Variants in VTA1 observed in about 807,000 individuals in gnomAD.
VTA1 encodes vacuolar protein sorting-associated protein VTA1 homolog.
In VTA1, 24 loss-of-function variants were observed where a neutral mutation model predicts 36.9. That is an observed-to-expected ratio of 0.65 (90% confidence interval 0.47 to 0.91). The LOEUF (loss-of-function observed/expected upper bound fraction) is 0.91, where lower values mean the gene tolerates loss of function less well. VTA1 is among the 40% of genes least tolerant of loss of function. The pLI is 0.00. For synonymous variants in VTA1, 142 were observed against 130.2 expected (o/e 1.09, Z -0.62); for missense variants, 393 against 377.2 (o/e 1.04, Z -0.35).
At chr6:142,214,139 T>C (rs1420348705) in intron 7 of VTA1, among the ~76,000 whole-genome samples, 10 of 152,234 alleles carry the variant, frequency 6.6e-5, no homozygotes, top group Non-Finnish European at 1.5e-4. Flanking sequence ...AGGTCAACTC[T>C]TGAATGCTTT....
chr6:142,165,856 A>G (rs1282502495), intron 1 of VTA1, among the ~76,000 whole-genome samples: 2 of 152,046 alleles, frequency 1.3e-5, no homozygotes, highest in African/African-American at 4.8e-5. Flanking sequence ...CATTTTGAAT[A>G]TTTTGTCAGT....
intron 1 of VTA1, among the ~76,000 whole-genome samples, chr6:142,152,924 A>G (rs1778595390): frequency 6.6e-6 from 1 of 152,108 alleles, no homozygotes; most frequent in Non-Finnish European, 1.5e-5. Flanking sequence ...TCTGCCAGGA[A>G]TCCTTCTGCA....
At position 142,224,267 on chromosome 6, in the gene VTA1, T is replaced by A. The variant is rs536077898; in HGVS notation, c.*5624T>A. ...CCTATCAGTTGCCTGCTTTAATTCATCCCATGGAATTGTTTTGTCTTTTCG... is the reference window on the plus strand; with the variant it reads ...CCTATCAGTTGCCTGCTTTAATTCAACCCATGGAATTGTTTTGTCTTTTCG... On this transcript the variant is annotated 3_prime_UTR_variant, in exon 8 of 8. Transcript: ENST00000367630. The A allele has an allele frequency of 1.3e-5, 2 of 152,348 alleles. No homozygotes were observed. Among genetic ancestry groups the A allele is most frequent in the East Asian group, 1.9e-4 (1 of 5,184 alleles). 9.4% of individuals were successfully genotyped at this position (152,348 alleles called of 1,614,324 possible).
intron 7 of VTA1, among the ~76,000 whole-genome samples, chr6:142,210,447 A>G (rs376990864): frequency 6.6e-6 from 1 of 152,326 alleles, no homozygotes; most frequent in African/African-American, 2.4e-5. Flanking sequence ...TCCAGCTAAA[A>G]TGCTTCAGCA....
At chr6:142,179,708 AT>A (rs1775191749) in intron 4 of VTA1, among the ~76,000 whole-genome samples, 1 of 152,204 alleles carries the variant, frequency 6.6e-6, no homozygotes, top group Non-Finnish European at 1.5e-5. Context: ...ACCCAGGTAT[AT>A]TAATCTGTTT....
Position 142,147,337 on chromosome 6 carries a change from T to C in VTA1, c.50T>C (p.Ile17Thr), listed in dbSNP as rs1778467122. The change falls in exon 1 of 8, where the codon ATA (isoleucine) becomes ACA (threonine). Residue 17 changes from isoleucine to threonine, a missense_variant. Ile to Thr is a moderately conservative substitution (Grantham distance 89). Coordinates refer to ENST00000367630, the MANE Select transcript of VTA1 (RefSeq NM_016485.5). ...CCGCTCCCCGCACAGTTCAAGAGCA[T>C]ACAGCATCATCTGAGGACGGCTCAG... The part of the protein sequence containing the change: ...LPPLPAQFKS[I>T]QHHLRTAQEH... 1 of 1,614,088 alleles carries C rather than the reference T, an allele frequency of 6.2e-7. No homozygotes were observed. Among genetic ancestry groups the C allele is most frequent in the Admixed American group, 1.7e-5 (1 of 60,006 alleles).
chr6:142,173,870 T>A (rs540727616), intron 4 of VTA1, among the ~76,000 whole-genome samples: 2 of 152,290 alleles, frequency 1.3e-5, no homozygotes, highest in South Asian at 4.1e-4. Flanking sequence ...CATGTGAGAT[T>A]GGGGTGATGG....
chr6:142,214,183 AATC>A (rs987555283), intron 7 of VTA1, among the ~76,000 whole-genome samples: 70 of 152,260 alleles, frequency 4.6e-4, no homozygotes, highest in Middle Eastern at 3.4e-3. Context: ...AGATACCCTA[AATC>A]ATCTCTCTCA....
At chr6:142,155,793 G>T (rs1290840808) in intron 1 of VTA1, among the ~76,000 whole-genome samples, 2 of 151,960 alleles carry the variant, frequency 1.3e-5, no homozygotes, top group Admixed American at 6.6e-5. Flanking sequence ...ACTTTCTCTG[G>T]GAGGCCTTTT....
chr6:142,169,641 A>G lies in VTA1; in HGVS notation c.299A>G (p.Tyr100Cys). The G allele has an allele frequency of 3.7e-6, 6 of 1,609,196 alleles. No homozygotes were observed. The highest frequency in any genetic ancestry group is 5.1e-6 in the Non-Finnish European group (6 of 1,178,864). Residue 100 changes from tyrosine to cysteine, a missense_variant, in exon 3 of 8, where the codon TAT becomes TGT. Transcript: ENST00000367630. ...LENYALKMFL[Y>C]ADNEDRAGRF... ...AATTATGCTTTGAAAATGTTTTTGT[A>G]TGCAGACAATGAAGATCGTGCTGGA...
At chr6:142,174,176 A>G (rs1000979251) in intron 4 of VTA1, among the ~76,000 whole-genome samples, 3 of 152,066 alleles carry the variant, frequency 2.0e-5, no homozygotes, top group Non-Finnish European at 4.4e-5. Context: ...TGAGCCTGGA[A>G]AAGGTGCAGC....
chr6:142,216,263 T>C (rs1776003303), intron 7 of VTA1, among the ~76,000 whole-genome samples: 1 of 152,202 alleles, frequency 6.6e-6, no homozygotes. Flanking sequence ...GCTTACTCTG[T>C]TGAGTTTTTA....
At chr6:142,168,181 T>A (rs929651122) in intron 2 of VTA1, among the ~76,000 whole-genome samples, 1 of 152,238 alleles carries the variant, frequency 6.6e-6, no homozygotes, top group African/African-American at 2.4e-5. Context: ...AGTGGCCTAC[T>A]CTCACTAAAA....
chr6:142,177,356 A>C (rs1775145351), intron 4 of VTA1, among the ~76,000 whole-genome samples: 1 of 152,224 alleles, frequency 6.6e-6, no homozygotes, highest in South Asian at 2.1e-4. Flanking sequence ...TGGGTAAGTT[A>C]ACTTATGTAA....
intron 4 of VTA1, among the ~76,000 whole-genome samples, chr6:142,175,367 GCTGCTCA>G (rs1213963175): frequency 6.6e-6 from 1 of 151,756 alleles, no homozygotes; most frequent in East Asian, 1.9e-4. Context: ...TGTAGACCAG[GCTGCTCA>G]CTGTCTTCTC....
At chr6:142,214,750 G>A (rs1775974785) in intron 7 of VTA1, among the ~76,000 whole-genome samples, 1 of 152,170 alleles carries the variant, frequency 6.6e-6, no homozygotes, top group African/African-American at 2.4e-5. Context: ...AAGTTGGGGA[G>A]TTTAATAATG....
chr6:142,197,101 C>T (rs1161117612), intron 5 of VTA1, among the ~76,000 whole-genome samples: 1 of 152,154 alleles, frequency 6.6e-6, no homozygotes, highest in East Asian at 1.9e-4. Context: ...CTTACCCTTA[C>T]TCTCATTTCT....
intron 1 of VTA1, among the ~76,000 whole-genome samples, chr6:142,164,838 T>C (rs1265651965): frequency 6.6e-6 from 1 of 152,144 alleles, no homozygotes; most frequent in Non-Finnish European, 1.5e-5. Context: ...TGTTTGTCTA[T>C]TCAGAAAATG....
intron 4 of VTA1, among the ~76,000 whole-genome samples, chr6:142,170,939 C>G (rs746538614): frequency 6.6e-6 from 1 of 151,898 alleles, no homozygotes; most frequent in Non-Finnish European, 1.5e-5. Context: ...GTAATAAGTT[C>G]TTTAAATCCA....
Sources: gnomAD v4.1 joint callset for allele counts (sites outside exome capture counted in the v4.1 genomes callset) on GRCh38, gnomAD v4.1.1 for gene constraint, MANE v1.5 for transcripts, NCBI Gene and HGNC (gene_info 2026-07-23, HGNC 2026-07-21) for gene names.